Variants in NFIC observed in about 807,000 individuals in gnomAD.
NFIC encodes the protein nuclear factor I C, also known as nuclear factor 1 C-type.
Under a neutral mutation model 54.4 loss-of-function variants are expected in NFIC, and 12 were observed. That is an observed-to-expected ratio of 0.22 (90% confidence interval 0.14 to 0.36). The LOEUF (loss-of-function observed/expected upper bound fraction) is 0.36. Ranked by LOEUF, NFIC falls within the 10% of genes least tolerant of loss-of-function variation. The pLI, the probability that NFIC is intolerant of heterozygous loss-of-function variation, is 1.00. For synonymous variants in NFIC, 322 were observed against 319.2 expected (o/e 1.01, Z -0.09); for missense variants, 575 against 718.2 (o/e 0.80, Z 2.28).
upstream of NFIC, chr19:3,366,565 G>A: frequency 5.3e-6 from 5 of 935,724 alleles, no homozygotes; most frequent in Non-Finnish European, 7.8e-6. Context: ...GCGGGGGGGT[G>A]GTTTGGAAAA....
At chr19:3,421,448 C>T (rs1183413356) in intron 2 of NFIC, among the ~76,000 whole-genome samples, 3 of 152,246 alleles carry the variant, frequency 2.0e-5, no homozygotes, top group East Asian at 1.9e-4. Flanking sequence ...TCCGAGGGGC[C>T]GCTGGCAGCC....
chr19:3,460,080 G>A (rs759877632), intron 10 of NFIC, among the ~76,000 whole-genome samples: 3 of 152,198 alleles, frequency 2.0e-5, no homozygotes, highest in Non-Finnish European at 4.4e-5. Flanking sequence ...CCCAAATGAC[G>A]TGACCTTGGG....
At chr19:3,411,880 T>C (rs370138347) in intron 2 of NFIC, among the ~76,000 whole-genome samples, 2 of 152,246 alleles carry the variant, frequency 1.3e-5, no homozygotes, top group African/African-American at 4.8e-5. Flanking sequence ...AGGTGCCACA[T>C]TGAACAGTTT....
chr19:3,433,655 G>A (rs1417039382), intron 4 of NFIC, 63 bp downstream of exon 4: 23 of 1,547,074 alleles, frequency 1.5e-5, no homozygotes, highest in South Asian at 1.0e-4. Flanking sequence ...AGGGAGGAAG[G>A]AGCCCACCCC....
Position 3,464,031 on chromosome 19 carries a change from C to T in NFIC, c.*1262C>T, listed in dbSNP as rs954883057. 13 of 985,462 alleles carry T rather than the reference C, an allele frequency of 1.3e-5. No individual in the cohort carries two copies. The highest frequency in any genetic ancestry group is 1.4e-5 in the Non-Finnish European group (12 of 829,988). The allele number at this position is 985,462 out of a possible 1,614,324, so 61.0% of individuals were successfully genotyped here. On this transcript the variant is annotated 3_prime_UTR_variant, in exon 11 of 11. Transcript: ENST00000443272. ...AGCTGGGCGTCACTTCGCAAGCGTC[C>T]TGCCCTGCCGGGGCGCGGGGGTGGG...
intron 2 of NFIC, among the ~76,000 whole-genome samples, chr19:3,384,592 T>G (rs2081264299): frequency 6.6e-6 from 1 of 152,206 alleles, no homozygotes; most frequent in African/African-American, 2.4e-5. Flanking sequence ...TTTCACCATG[T>G]TGGCCAGGCT....
chr19:3,425,778 A>G (rs2082018077), intron 3 of NFIC, among the ~76,000 whole-genome samples: 1 of 146,940 alleles, frequency 6.8e-6, no homozygotes, highest in African/African-American at 2.5e-5. Context: ...TGTCTTAGAA[A>G]CGGTCTCACG....
At chr19:3,423,299 C>T (rs1043334604) in intron 2 of NFIC, among the ~76,000 whole-genome samples, 3 of 152,194 alleles carry the variant, frequency 2.0e-5, no homozygotes, top group African/African-American at 7.2e-5. Context: ...GGAGTATCCT[C>T]TCCTCACTGC....
chr19:3,429,259 C>T (rs1167284642), intron 3 of NFIC, among the ~76,000 whole-genome samples: 1,003 of 90,306 alleles, frequency 0.011, 99 homozygotes, highest in East Asian at 0.067. Context: ...TATATACACA[C>T]ACACACACAC....
chr19:3,385,430 C>T (rs1436184192), intron 2 of NFIC, among the ~76,000 whole-genome samples: 1 of 152,144 alleles, frequency 6.6e-6, no homozygotes, highest in Admixed American at 6.6e-5. Flanking sequence ...GTAAACCACC[C>T]ACAAGGCATC....
chr19:3,429,524 G>C (rs1254540826), intron 3 of NFIC, among the ~76,000 whole-genome samples: 1 of 152,120 alleles, frequency 6.6e-6, no homozygotes. Flanking sequence ...CCAGGAGTTC[G>C]AGGCTGCAGT....
chr19:3,399,534 C>A (rs2081520885), intron 2 of NFIC, among the ~76,000 whole-genome samples: 1 of 151,840 alleles, frequency 6.6e-6, no homozygotes. Context: ...TGTGATTGGG[C>A]CACTGCACTC....
chr19:3,433,504 T>C lies in NFIC; in HGVS notation c.635-14T>C. ...CCAGCTCAGCCTACTGACCCCGCTG[T>C]CTTCCTGTTCCAGACACGACCGACT... On this transcript the variant is annotated splice_polypyrimidine_tract_variant and intron_variant, in intron 3 of 10. Transcript: ENST00000443272. 6.2e-7 allele frequency: 1 copy of C among 1,613,362 alleles called. No homozygotes were observed. The highest frequency in any genetic ancestry group is 8.5e-7 in the Non-Finnish European group (1 of 1,179,542).
chr19:3,456,842 G>A (rs1568200875), intron 10 of NFIC: 1 of 602,522 alleles, frequency 1.7e-6, no homozygotes, highest in African/African-American at 1.9e-5. Flanking sequence ...TGGGGGGATG[G>A]GGTGTGGCCC....
chr19:3,405,504 C>T lies in NFIC; in HGVS notation c.563-19602C>T, dbSNP rs143974431. ...CACTGGCAAAACTGACAGCTGCTTC[C>T]CTCCTTAGAGCATCTTGGGGAGGAG... On this transcript the variant is annotated intron_variant, in intron 2 of 10. Coordinates refer to ENST00000443272, the MANE Select transcript of NFIC (RefSeq NM_001245002.2). Among the ~76,000 whole-genome samples, 979 of 152,242 alleles carry T rather than the reference C, an allele frequency of 6.4e-3. 8 individuals are homozygous for T. The highest frequency in any genetic ancestry group is 0.016 in the Admixed American group (239 of 15,282).
At chr19:3,425,496 G>T (rs1459149679) in intron 3 of NFIC, among the ~76,000 whole-genome samples, 1 of 152,210 alleles carries the variant, frequency 6.6e-6, no homozygotes, top group Non-Finnish European at 1.5e-5. Flanking sequence ...GTCTCGCTCT[G>T]TCATCCAGGC....
intron 2 of NFIC, among the ~76,000 whole-genome samples, chr19:3,402,886 G>A (rs1177791397): frequency 1.3e-5 from 2 of 152,332 alleles, no homozygotes; most frequent in Middle Eastern, 3.4e-3. Context: ...GAGGGGGAGA[G>A]AGGGAAGAGG....
Position 3,382,078 on chromosome 19 carries a change from G to C in NFIC, c.397G>C (p.Val133Leu). The change falls in exon 2 of 11, where the codon GTC (valine) becomes CTC (leucine). Residue 133 changes from valine to leucine, a missense_variant. Coordinates refer to ENST00000443272, the MANE Select transcript of NFIC (RefSeq NM_001245002.2). ...GGACAAGGTGTGGCGGCTGGACCTG[G>C]TCATGGTCATCCTGTTCAAGGGCAT... Reference protein sequence around the residue: ...QADKVWRLDLVMVILFKGIPL... With the variant: ...QADKVWRLDLLMVILFKGIPL... 1 of 1,613,228 alleles carries C rather than the reference G, an allele frequency of 6.2e-7. No individual in the cohort carries two copies.
rs952481826 is a variant in NFIC, at chr19:3,421,135, C to T, written c.563-3971C>T. Among the ~76,000 whole-genome samples, 5 of 152,362 alleles carry T rather than the reference C, an allele frequency of 3.3e-5. 1 individual carries two copies. Among genetic ancestry groups the T allele is most frequent in the African/African-American group, 7.2e-5 (3 of 41,586 alleles). ...TGAGGCGCGGATGCATCCGAGGCCCCGCTCCCTGGCTGCCCGATTCGCAAG... is the reference window on the plus strand; with the variant it reads ...TGAGGCGCGGATGCATCCGAGGCCCTGCTCCCTGGCTGCCCGATTCGCAAG... On this transcript the variant is annotated intron_variant, in intron 2 of 10. Transcript: ENST00000443272.
Sources: gnomAD v4.1 joint callset for allele counts (sites outside exome capture counted in the v4.1 genomes callset) on GRCh38, gnomAD v4.1.1 for gene constraint, MANE v1.5 for transcripts, NCBI Gene and HGNC (gene_info 2026-07-23, HGNC 2026-07-21) for gene names.